ZNF713: variants seen among roughly 807,000 people sequenced by gnomAD.
ZNF713 encodes the protein zinc finger protein 713.
Under a neutral mutation model 28.7 loss-of-function variants are expected in ZNF713, and 21 were observed. The ratio of observed to expected loss-of-function variants is 0.73; its 90% CI spans 0.52 to 1.05. The LOEUF is 1.05. Ranked by LOEUF, ZNF713 falls within the 50% of genes least tolerant of loss-of-function variation. The pLI, the probability that ZNF713 is intolerant of heterozygous loss-of-function variation, is 0.00. For missense variants in ZNF713, 458 were observed against 532.4 expected (o/e 0.86, Z 1.37); for synonymous variants, 167 against 178.0 (o/e 0.94, Z 0.49).
chr7:55,940,502 A>C lies in ZNF713; in HGVS notation c.*496A>C, dbSNP rs1366894402. The C allele has an allele frequency of 1.0e-6, 1 of 982,696 alleles. No individual in the cohort carries two copies. The highest frequency in any genetic ancestry group is 1.7e-5 in the African/African-American group (1 of 57,164). The allele number at this position is 982,696 out of a possible 1,614,324, so 60.9% of individuals were successfully genotyped here. A position where few individuals can be genotyped will look rare whatever the true frequency, so the allele number is the denominator to read the frequency against. On this transcript the variant is annotated 3_prime_UTR_variant, in exon 7 of 7. Coordinates refer to ENST00000429591, the MANE Select transcript of ZNF713 (RefSeq NM_182633.3). ...TATTACATTCCCAGGAGGGGTTATA[A>C]AAAGAAAAAATAATTTATTTTACAA... is the stretch of plus-strand genomic sequence containing the variant.
chr7:55,933,594 G>A (rs142888580), intron 6 of ZNF713, among the ~76,000 whole-genome samples: 88 of 152,080 alleles, frequency 5.8e-4, no homozygotes, highest in African/African-American at 2.0e-3. Context: ...TACTGTGCCC[G>A]GCTTCCTCCT....
chr7:55,933,548 C>T (rs539881683), intron 6 of ZNF713, among the ~76,000 whole-genome samples: 11 of 152,182 alleles, frequency 7.2e-5, no homozygotes, highest in African/African-American at 2.4e-4. Context: ...CCACCCAACT[C>T]GGCCTCCCAA....
intron 6 of ZNF713, among the ~76,000 whole-genome samples, chr7:55,935,912 G>A (rs575065973): frequency 2.0e-5 from 3 of 151,642 alleles, no homozygotes; most frequent in Non-Finnish European, 4.4e-5. Context: ...CCGAGATCAC[G>A]CCACGGCACT....
At chr7:55,930,234 T>C (rs1277631133) in intron 6 of ZNF713, among the ~76,000 whole-genome samples, 2 of 152,064 alleles carry the variant, frequency 1.3e-5, no homozygotes, top group Non-Finnish European at 2.9e-5. Flanking sequence ...ATAAGAGAAA[T>C]ACAAATTAAA....
chr7:55,925,656 G>A (rs1166969159), intron 6 of ZNF713, among the ~76,000 whole-genome samples: 1 of 152,152 alleles, frequency 6.6e-6, no homozygotes, highest in Non-Finnish European at 1.5e-5. Flanking sequence ...CCTTGTTCCT[G>A]TTTTAGCCTC....
At chr7:55,938,175 G>C (rs1584322190) in intron 6 of ZNF713, among the ~76,000 whole-genome samples, 1 of 152,126 alleles carries the variant, frequency 6.6e-6, no homozygotes, top group South Asian at 2.1e-4. Flanking sequence ...CTGCACTCCA[G>C]CCTGGGCGAT....
chr7:55,927,288 G>A (rs1220741453), intron 6 of ZNF713, among the ~76,000 whole-genome samples: 2 of 152,132 alleles, frequency 1.3e-5, no homozygotes, highest in African/African-American at 4.8e-5. Context: ...TAGCACTTTC[G>A]GAGACCGTGG....
chr7:55,909,650 T>G (rs189191333), intron 2 of ZNF713, among the ~76,000 whole-genome samples: 201 of 152,330 alleles, frequency 1.3e-3, no homozygotes, highest in Non-Finnish European at 2.1e-3. Context: ...TTTAATGATA[T>G]TGATTCTTCA....
At chr7:55,889,131 C>T (rs1286623870) in intron 1 of ZNF713, among the ~76,000 whole-genome samples, 3 of 139,522 alleles carry the variant, frequency 2.2e-5, no homozygotes, top group African/African-American at 5.6e-5. Context: ...GATGGAGTTT[C>T]GCTCCTGTTG....
intron 6 of ZNF713, among the ~76,000 whole-genome samples, chr7:55,935,589 C>G (rs574129938): frequency 2.0e-5 from 3 of 152,236 alleles, no homozygotes; most frequent in African/African-American, 7.2e-5. Context: ...GGAACCCTCA[C>G]CCACATCTCC....
chr7:55,938,281 C>T (rs907766408), intron 6 of ZNF713, among the ~76,000 whole-genome samples: 2 of 151,216 alleles, frequency 1.3e-5, no homozygotes, highest in African/African-American at 2.4e-5. Context: ...AGGAAGAATA[C>T]CTCCACTAAG....
chr7:55,938,860 G>A, intron 6 of ZNF713, 122 bp from the exon 7 acceptor site: 1 of 1,006,688 alleles, frequency 9.9e-7, no homozygotes, highest in East Asian at 2.6e-5. Flanking sequence ...TCAATGCCGT[G>A]TATGCCTTGT....
chr7:55,928,687 T>C (rs527537351), intron 6 of ZNF713, among the ~76,000 whole-genome samples: 10 of 151,820 alleles, frequency 6.6e-5, no homozygotes, highest in Non-Finnish European at 5.9e-5. Flanking sequence ...CTGAAAAAAA[T>C]AAAACACCTA....
chr7:55,917,782 G>C (rs948385119), intron 4 of ZNF713, among the ~76,000 whole-genome samples: 4 of 151,952 alleles, frequency 2.6e-5, no homozygotes, highest in Admixed American at 6.6e-5. Flanking sequence ...CACAGGAAAA[G>C]TGTTCATCTG....
At chr7:55,917,214 AAAAC>A (rs137934016) in intron 4 of ZNF713, among the ~76,000 whole-genome samples, 26,786 of 150,446 alleles carry the variant, frequency 0.18, 2,906 homozygotes, top group East Asian at 0.34. Flanking sequence ...ACTCTGCCTC[AAAAC>A]AAACAAACAA....
At chr7:55,905,194 G>A (rs1785657611) in intron 1 of ZNF713, among the ~76,000 whole-genome samples, 1 of 152,154 alleles carries the variant, frequency 6.6e-6, no homozygotes, top group Non-Finnish European at 1.5e-5. Context: ...AAGAAGTCAA[G>A]GAAATGAAAG....
At chr7:55,934,065 A>G (rs1403706408) in intron 6 of ZNF713, among the ~76,000 whole-genome samples, 3 of 152,296 alleles carry the variant, frequency 2.0e-5, no homozygotes, top group Non-Finnish European at 2.9e-5. Flanking sequence ...GTGGGTGAAC[A>G]TGATGAAATC....
intron 5 of ZNF713, 47 bp from the exon 6 acceptor site, chr7:55,923,560 T>C (rs777005790): frequency 6.7e-6 from 10 of 1,493,974 alleles, no homozygotes; most frequent in Non-Finnish European, 9.2e-6. Context: ...TCTGAGAATT[T>C]TGTTCCCAGT....
chr7:55,897,724 G>T (rs1441835472), intron 1 of ZNF713, among the ~76,000 whole-genome samples: 1 of 152,120 alleles, frequency 6.6e-6, no homozygotes, highest in African/African-American at 2.4e-5. Flanking sequence ...TACCGTCAAT[G>T]AAACATATTG....
Sources: gnomAD v4.1 joint callset for allele counts (sites outside exome capture counted in the v4.1 genomes callset) on GRCh38, gnomAD v4.1.1 for gene constraint, MANE v1.5 for transcripts, NCBI Gene and HGNC (gene_info 2026-07-23, HGNC 2026-07-21) for gene names.